MTHFD2: variants seen among roughly 807,000 people sequenced by gnomAD.
MTHFD2 encodes the protein bifunctional methylenetetrahydrofolate dehydrogenase/cyclohydrolase, mitochondrial.
MTHFD2 carries 26 observed loss-of-function variants against 36.8 expected under a neutral mutation model. The observed-to-expected ratio is 0.71, with a 90% CI of 0.52 to 0.98. The LOEUF is 0.98. MTHFD2 is among the 50% of genes least tolerant of loss of function. MTHFD2 has a pLI of 0.00. For synonymous variants in MTHFD2, 164 were observed against 155.2 expected (o/e 1.06, Z -0.42); for missense variants, 373 against 434.0 (o/e 0.86, Z 1.25).
In MTHFD2 at chr2:74,199,041, T is replaced by C. The variant is rs532949526; in HGVS notation, c.101+299T>C. ...GGCCAGTCGGCGGGCGGGACGGGGG[T>C]GGCGTGCGGAACGCGAAGGCATCAG... On this transcript the variant is annotated intron_variant, in intron 1 of 7. Coordinates refer to ENST00000394053, the MANE Select transcript of MTHFD2 (RefSeq NM_006636.4). 6.7e-3 allele frequency among the ~76,000 whole-genome samples: 1,021 copies of C among 151,938 alleles called. 5 individuals carry two copies. The highest frequency in any genetic ancestry group is 0.016 in the South Asian group (76 of 4,800).
In MTHFD2 at chr2:74,215,423, A is replaced by ATTTTTTTTTTTTTTT. The variant is rs1199814554; in HGVS notation, c.*1184_*1198dup. On this transcript the variant is annotated 3_prime_UTR_variant, in exon 8 of 8. Coordinates refer to ENST00000394053, the MANE Select transcript of MTHFD2 (RefSeq NM_006636.4). ...TTAAATAGATAATTTTTTTTCTTCTATTTTTTTTTTTTTTTTTGTAGAGAT... is the reference window on the plus strand; with the variant it reads ...TTAAATAGATAATTTTTTTTCTTCTATTTTTTTTTTTTTTTTTTTTTTTTTTTTTTTTGTAGAGAT... 8.2e-6 allele frequency: 1 copy of ATTTTTTTTTTTTTTT among 122,060 alleles called. No homozygotes were observed. The highest frequency in any genetic ancestry group is 1.8e-5 in the Non-Finnish European group (1 of 56,930). 7.6% of individuals were successfully genotyped at this position (122,060 alleles called of 1,614,324 possible). A position where few individuals can be genotyped will look rare whatever the true frequency, so the allele number is the denominator to read the frequency against.
Position 74,205,788 on chromosome 2 carries a change from C to T in MTHFD2, c.185C>T (p.Ala62Val). 6.2e-7 allele frequency: 1 copy of T among 1,613,710 alleles called. No individual in the cohort carries two copies. The highest frequency in any genetic ancestry group is 2.2e-5 in the East Asian group (1 of 44,804). ...EVRQEVEEWVASGNKRPHLSV... is the reference protein window; with the variant it reads ...EVRQEVEEWVVSGNKRPHLSV... Reference sequence around the variant, plus strand: ...CGGCAGGAGGTAGAAGAGTGGGTGGCCTCAGGCAACAAACGGCCACACCTG... The same window carrying T: ...CGGCAGGAGGTAGAAGAGTGGGTGGTCTCAGGCAACAAACGGCCACACCTG... The change falls in exon 2 of 8, where the codon GCC becomes GTC. Residue 62 changes from alanine (A) to valine (V), a missense_variant. Ala to Val is a moderately conservative substitution (Grantham distance 64). Around this residue, in one of 2 missense-constraint regions of MTHFD2, gnomAD observed 308 missense variants for 397.8 expected, o/e 0.77. Coordinates refer to ENST00000394053, the MANE Select transcript of MTHFD2 (RefSeq NM_006636.4).
At position 74,215,950 on chromosome 2, in the gene MTHFD2, G is replaced by A. The variant is rs1226511193; in HGVS notation, c.*1708G>A. On this transcript the variant is annotated 3_prime_UTR_variant, in exon 8 of 8. Coordinates refer to ENST00000394053, the MANE Select transcript of MTHFD2 (RefSeq NM_006636.4). Reference sequence around the variant, plus strand: ...ATCACAACAGGTTGTGCCAAGCTAGGAGCTTAATCTGTAAAATACTTGAGG... The same window carrying A: ...ATCACAACAGGTTGTGCCAAGCTAGAAGCTTAATCTGTAAAATACTTGAGG... 1 of 152,262 alleles carries A rather than the reference G, an allele frequency of 6.6e-6. No individual in the cohort carries two copies. The highest frequency in any genetic ancestry group is 1.5e-5 in the Non-Finnish European group (1 of 68,068). 9.4% of individuals were successfully genotyped at this position (152,262 alleles called of 1,614,324 possible).
intron 1 of MTHFD2, among the ~76,000 whole-genome samples, chr2:74,199,085 A>G (rs1461525095): frequency 6.6e-6 from 1 of 152,188 alleles, no homozygotes; most frequent in East Asian, 1.9e-4. Context: ...GAGCCTTCCG[A>G]CAGCGCCGGC....
chr2:74,198,813 CCCGAGGGACA>C (rs1446556529), intron 1 of MTHFD2, 71 bp downstream of exon 1: 11 of 1,360,102 alleles, frequency 8.1e-6, no homozygotes, highest in East Asian at 2.6e-5. Flanking sequence ...ACGCCGGGCC[CCCGAGGGACA>C]CCGAGGGAAG....
At chr2:74,213,787 G>A (rs937693994) in intron 7 of MTHFD2, among the ~76,000 whole-genome samples, 2 of 152,042 alleles carry the variant, frequency 1.3e-5, no homozygotes, top group African/African-American at 2.4e-5. Flanking sequence ...AGGTATTGAG[G>A]TAATGCTTAT....
intron 4 of MTHFD2, 116 bp downstream of exon 4, chr2:74,208,837 T>C (rs984052543): frequency 3.7e-6 from 4 of 1,090,670 alleles, no homozygotes; most frequent in Non-Finnish European, 5.3e-6. Context: ...CCTCTAGTCT[T>C]ACTCCCCAAA....
rs746205530 is a variant in MTHFD2 at position 74,211,783 on chromosome 2, C to T, written c.806C>T (p.Ala269Val). 3 of 1,611,690 alleles carry T rather than the reference C, an allele frequency of 1.9e-6. No individual in the cohort carries two copies. Among genetic ancestry groups the T allele is most frequent in the South Asian group, 2.2e-5 (2 of 90,958 alleles). ...LITADMIKEG[A>V]AVIDVGINRV... ...ACAGCAGATATGATCAAGGAAGGAG[C>T]AGCAGTCATTGATGTGGGAATAAAT... Residue 269 changes from alanine to valine, a missense_variant, in exon 7 of 8, where the codon GCA (alanine) becomes GTA (valine). Physicochemically the swap from Ala to Val is moderately conservative, Grantham distance 64. Coordinates refer to ENST00000394053, the MANE Select transcript of MTHFD2 (RefSeq NM_006636.4).
At chr2:74,211,603 C>T in intron 6 of MTHFD2, 138 bp from the exon 7 acceptor site, 4 of 805,286 alleles carry the variant, frequency 5.0e-6, no homozygotes, top group East Asian at 3.1e-5. Context: ...TAAATAGTTC[C>T]TTAGTTAATA....
rs751181127 is a variant in MTHFD2, at chr2:74,205,909, C to T, written c.286+20C>T. On this transcript the variant is annotated intron_variant, in intron 2 of 7. Transcript: ENST00000394053. ...TTGTGGGTATGTGTCCTTCTGAGACCTCGACTGCGGTTCAGTTGAGGTTTA... is the reference window on the plus strand; with the variant it reads ...TTGTGGGTATGTGTCCTTCTGAGACTTCGACTGCGGTTCAGTTGAGGTTTA... 6.2e-7 allele frequency: 1 copy of T among 1,604,252 alleles called. No individual in the cohort carries two copies. The highest frequency in any genetic ancestry group is 8.5e-7 in the Non-Finnish European group (1 of 1,172,712).
intron 1 of MTHFD2, among the ~76,000 whole-genome samples, chr2:74,200,838 C>A: frequency 6.6e-6 from 1 of 151,936 alleles, no homozygotes; most frequent in South Asian, 2.1e-4. Context: ...ATTATTTTTC[C>A]CATTAATAAT....
rs748382194 is a variant in MTHFD2, at chr2:74,207,757, T to C, written c.340T>C (p.Leu114=). 1 of 1,607,410 alleles carries C rather than the reference T, an allele frequency of 6.2e-7. No homozygotes were observed. Among genetic ancestry groups the C allele is most frequent in the Non-Finnish European group, 8.5e-7 (1 of 1,174,382 alleles). The change falls in exon 3 of 8, where the codon TTG becomes CTG. Residue 114 remains leucine, a synonymous_variant. Coordinates refer to ENST00000394053, the MANE Select transcript of MTHFD2 (RefSeq NM_006636.4). ...AGCTTCAATTTCAGAGGAAGAATTG[T>C]TGAATTTAATCAATAAACTGAATAA... ...KPASISEEEL[L]NLINKLNNDD...
At position 74,214,331 on chromosome 2, in the gene MTHFD2, C is replaced by T; in HGVS notation, c.*89C>T. The T allele has an allele frequency of 7.0e-7, 1 of 1,430,178 alleles. No individual in the cohort carries two copies. The highest frequency in any genetic ancestry group is 9.5e-7 in the Non-Finnish European group (1 of 1,052,060). The allele number at this position is 1,430,178 out of a possible 1,614,324, so 88.6% of individuals were successfully genotyped here. On this transcript the variant is annotated 3_prime_UTR_variant, in exon 8 of 8. Transcript: ENST00000394053. ...AGAAATGCAATATTTTTAATTTATT[C>T]TACTGAAATGGTTTAAAATGATGCC...
At position 74,209,999 on chromosome 2, in the gene MTHFD2, T is replaced by C. The variant is rs1264082374; in HGVS notation, c.620T>C (p.Met207Thr). ...VVAGRSKNVGMPIAMLLHTDG... is the reference protein window; with the variant it reads ...VVAGRSKNVGTPIAMLLHTDG... The stretch of plus-strand genomic sequence containing the variant: ...GCTGGAAGGTCAAAAAACGTTGGAA[T>C]GCCCATTGCAATGTTACTGCACACA... The change falls in exon 5 of 8, where the codon ATG becomes ACG. Residue 207 changes from methionine (M) to threonine (T), a missense_variant. Met to Thr is a moderately conservative substitution (Grantham distance 81). Coordinates refer to ENST00000394053, the MANE Select transcript of MTHFD2 (RefSeq NM_006636.4). 1 of 1,613,892 alleles carries C rather than the reference T, an allele frequency of 6.2e-7. No homozygotes were observed. Among genetic ancestry groups the C allele is most frequent in the Admixed American group, 1.7e-5 (1 of 60,002 alleles).
intron 1 of MTHFD2, among the ~76,000 whole-genome samples, chr2:74,204,355 G>A (rs181015619): frequency 3.3e-4 from 50 of 152,252 alleles, no homozygotes; most frequent in African/African-American, 1.1e-3. Flanking sequence ...ACAGCCTTTC[G>A]GGCAGCTGAA....
chr2:74,211,485 G>A (rs1053684949), intron 6 of MTHFD2, 194 bp downstream of exon 6: 2 of 481,436 alleles, frequency 4.2e-6, no homozygotes, highest in South Asian at 9.7e-5. Context: ...CTAGATGGGT[G>A]AATGTTATTC....
intron 2 of MTHFD2, 30 bp from the exon 3 acceptor site, chr2:74,207,674 T>A (rs774757232): frequency 8.2e-6 from 13 of 1,578,932 alleles, no homozygotes; most frequent in Middle Eastern, 2.0e-4. Context: ...GCCTCAAAAA[T>A]TTTTTTAACC....
At chr2:74,213,549 C>T (rs555243354) in intron 7 of MTHFD2, among the ~76,000 whole-genome samples, 1 of 152,168 alleles carries the variant, frequency 6.6e-6, no homozygotes, top group Admixed American at 6.6e-5. Context: ...CTCAGCCCCC[C>T]AGAGTGCTGG....
At chr2:74,207,374 G>C (rs2103820917) in intron 2 of MTHFD2, among the ~76,000 whole-genome samples, 1 of 145,486 alleles carries the variant, frequency 6.9e-6, no homozygotes, top group African/African-American at 2.5e-5. Context: ...GTGATCCGCT[G>C]GCCTTGGCCT....
Sources: allele counts gnomAD v4.1 joint callset (sites outside exome capture counted in the v4.1 genomes callset), GRCh38; gene constraint gnomAD v4.1.1; regional missense constraint gnomAD v4.1.1; transcripts MANE v1.5; gene names NCBI Gene and HGNC (gene_info 2026-07-23, HGNC 2026-07-21).